Variants in COL24A1 observed in about 807,000 individuals in gnomAD.
COL24A1 encodes the protein collagen alpha-1(XXIV) chain.
A neutral mutation model predicts 253.9 loss-of-function variants in COL24A1; 224 were observed. The observed-to-expected ratio is 0.88, with a 90% CI of 0.79 to 0.99. The LOEUF (loss-of-function observed/expected upper bound fraction) is 0.99. Ranked by LOEUF, COL24A1 falls within the 50% of genes least tolerant of loss-of-function variation. COL24A1 has a pLI of 0.00. For missense variants in COL24A1, 2,131 were observed against 2,068.5 expected, an observed-to-expected ratio of 1.03 and a Z score of -0.59; for synonymous variants, 685 against 673.7, an observed-to-expected ratio of 1.02 and a Z score of -0.26.
chr1:85,798,955 G>C (rs979814420), intron 47 of COL24A1, among the ~76,000 whole-genome samples: 5 of 152,050 alleles, frequency 3.3e-5, no homozygotes, highest in Admixed American at 2.6e-4. Flanking sequence ...AGGAAAAGTT[G>C]TTTTGCTTTT....
In COL24A1 at chr1:86,033,908, A is replaced by T; in HGVS notation, c.1966T>A (p.Phe656Ile). ...AGACCAGCAGGGCCTCTGTCTCCAA[A>T]GTCACCTGGAAAACCCTGTCACAGG... ...FKGRQGFPGD[F>I]GDRGPAGLDG... is the part of the protein sequence containing the mutation. Residue 656 changes from phenylalanine to isoleucine, a missense_variant, in exon 13 of 60, where the codon TTT becomes ATT. By Grantham distance (21) the Phe-to-Ile change is conservative. Coordinates refer to ENST00000370571, the MANE Select transcript of COL24A1 (RefSeq NM_152890.7). The T allele has an allele frequency of 1.3e-6, 2 of 1,595,898 alleles. No homozygotes were observed. The highest frequency in any genetic ancestry group is 1.7e-6 in the Non-Finnish European group (2 of 1,172,744).
intron 52 of COL24A1, 84 bp from the exon 53 acceptor site, chr1:85,775,793 T>C (rs2101447404): frequency 8.6e-7 from 1 of 1,166,408 alleles, no homozygotes; most frequent in Non-Finnish European, 1.2e-6. Flanking sequence ...TGTAGAAACA[T>C]GACAATTTAT....
At chr1:86,002,322 T>C (rs1695505471) in intron 19 of COL24A1, among the ~76,000 whole-genome samples, 1 of 152,228 alleles carries the variant, frequency 6.6e-6, no homozygotes, top group East Asian at 1.9e-4. Flanking sequence ...ATCGCATAGA[T>C]TCTGGAGGGT....
intron 24 of COL24A1, among the ~76,000 whole-genome samples, chr1:85,943,393 G>A (rs1260650474): frequency 3.3e-5 from 5 of 152,146 alleles, no homozygotes; most frequent in Admixed American, 2.6e-4. Context: ...TCATATATCT[G>A]TATATAACCT....
At chr1:86,016,937 T>C (rs1190154391) in intron 19 of COL24A1, among the ~76,000 whole-genome samples, 2 of 152,204 alleles carry the variant, frequency 1.3e-5, no homozygotes, top group Non-Finnish European at 2.9e-5. Flanking sequence ...TCCTAATCAG[T>C]GTGAAAATGT....
Position 85,976,913 on chromosome 1 carries a change from T to G in COL24A1, c.2365-5520A>C, listed in dbSNP as rs144595211. Among the ~76,000 whole-genome samples, 1,168 of 152,340 alleles carry G rather than the reference T, an allele frequency of 7.7e-3. 50 individuals carry two copies. Among genetic ancestry groups the G allele is most frequent in the Admixed American group, 0.061 (932 of 15,296 alleles). On this transcript the variant is annotated intron_variant, in intron 20 of 59. Transcript: ENST00000370571. Reference sequence around the variant, plus strand: ...CTGTTCACTGCTAGCATAACCAGCATTTGAGAAAGCCAGCACGTGAAACGT... The same window carrying G: ...CTGTTCACTGCTAGCATAACCAGCAGTTGAGAAAGCCAGCACGTGAAACGT...
At chr1:86,130,819 T>G (rs1419512879) in intron 2 of COL24A1, among the ~76,000 whole-genome samples, 4 of 152,006 alleles carry the variant, frequency 2.6e-5, no homozygotes, top group Non-Finnish European at 5.9e-5. Flanking sequence ...ATTCCTACAT[T>G]GTTAGTTTGT....
chr1:85,998,648 C>G (rs1474070795), intron 19 of COL24A1, among the ~76,000 whole-genome samples: 2 of 152,184 alleles, frequency 1.3e-5, no homozygotes, highest in South Asian at 2.1e-4. Flanking sequence ...CAGTCACTCT[C>G]TTCAGAGATT....
chr1:86,093,397 A>G (rs1341005952), intron 5 of COL24A1, among the ~76,000 whole-genome samples: 1 of 152,020 alleles, frequency 6.6e-6, no homozygotes, highest in Non-Finnish European at 1.5e-5. Flanking sequence ...TCCTTTCCCC[A>G]TTGCTCGCTT....
At chr1:85,873,091 T>A (rs1337851426) in intron 35 of COL24A1, among the ~76,000 whole-genome samples, 1 of 152,038 alleles carries the variant, frequency 6.6e-6, no homozygotes, top group Non-Finnish European at 1.5e-5. Flanking sequence ...AAAATGCTCA[T>A]CATCACTGGC....
chr1:85,908,433 T>C (rs1450209162), intron 27 of COL24A1, among the ~76,000 whole-genome samples, 165 bp downstream of exon 27: 2 of 151,762 alleles, frequency 1.3e-5, no homozygotes, highest in Non-Finnish European at 3.0e-5. Flanking sequence ...GTTCAAGATA[T>C]CATGACAAAT....
intron 5 of COL24A1, among the ~76,000 whole-genome samples, chr1:86,097,398 T>A: frequency 6.6e-6 from 1 of 151,822 alleles, no homozygotes; most frequent in Non-Finnish European, 1.5e-5. Flanking sequence ...TCTTTCTTCG[T>A]CTTTCTTCTC....
chr1:85,743,852 A>C (rs1664907339), intron 57 of COL24A1, among the ~76,000 whole-genome samples: 1 of 152,152 alleles, frequency 6.6e-6, no homozygotes, highest in Non-Finnish European at 1.5e-5. Context: ...TTTTCATTGA[A>C]GTTCTAGAAC....
intron 20 of COL24A1, 67 bp downstream of exon 20, chr1:85,987,534 A>G: frequency 7.5e-7 from 1 of 1,336,790 alleles, no homozygotes. Context: ...TATTTTTCCC[A>G]TTTATTGAGA....
At chr1:85,980,168 G>C (rs1417536019) in intron 20 of COL24A1, among the ~76,000 whole-genome samples, 1 of 152,124 alleles carries the variant, frequency 6.6e-6, no homozygotes, top group Non-Finnish European at 1.5e-5. Flanking sequence ...AGCAAAACTG[G>C]CATAGAAGAA....
At chr1:85,850,135 C>T (rs1417366335) in intron 37 of COL24A1, among the ~76,000 whole-genome samples, 4 of 152,064 alleles carry the variant, frequency 2.6e-5, no homozygotes, top group Non-Finnish European at 5.9e-5. Flanking sequence ...TTTCAATATA[C>T]ACTTTTTTTT....
chr1:86,117,676 G>A (rs1231495706), intron 3 of COL24A1, among the ~76,000 whole-genome samples: 2 of 152,050 alleles, frequency 1.3e-5, no homozygotes, highest in African/African-American at 4.8e-5. Context: ...AGTATTAATA[G>A]GCATTTTCTA....
In COL24A1 at chr1:86,112,551, AT is replaced by A. The variant is rs765525324; in HGVS notation, c.1599+15del. The stretch of plus-strand genomic sequence containing the variant: ...GATACTCATTAGCTTAAGTTGCCTG[AT>A]TAGTAGTCACTTACCTTTGGACCAG... On this transcript the variant is annotated intron_variant, in intron 5 of 59. Coordinates refer to ENST00000370571, the MANE Select transcript of COL24A1 (RefSeq NM_152890.7). The A allele has an allele frequency of 1.2e-6, 2 of 1,609,220 alleles. No individual in the cohort carries two copies. The highest frequency in any genetic ancestry group is 1.7e-6 in the Non-Finnish European group (2 of 1,176,664).
intron 52 of COL24A1, among the ~76,000 whole-genome samples, chr1:85,780,252 A>G (rs1669015174): frequency 6.6e-6 from 1 of 152,200 alleles, no homozygotes; most frequent in Admixed American, 6.6e-5. Context: ...TAGTGGTACT[A>G]AACACTTGAA....
Sources: allele counts gnomAD v4.1 joint callset (sites outside exome capture counted in the v4.1 genomes callset), GRCh38; gene constraint gnomAD v4.1.1; transcripts MANE v1.5; gene names NCBI Gene and HGNC (gene_info 2026-07-23, HGNC 2026-07-21).